Variants in MBNL1 observed in about 807,000 individuals in gnomAD.
MBNL1 encodes the protein muscleblind-like protein 1.
A neutral mutation model predicts 42.2 loss-of-function variants in MBNL1; 8 were observed. That is an observed-to-expected ratio of 0.19 (90% CI 0.11 to 0.34). The LOEUF is 0.34. Among genes scored for constraint, MBNL1 ranks in the 10% least tolerant of loss-of-function variants. MBNL1 has a pLI of 1.00. For synonymous variants in MBNL1, 169 were observed against 173.9 expected, an observed-to-expected ratio of 0.97 and a Z score of 0.22; for missense variants, 309 against 495.3, an observed-to-expected ratio of 0.62 and a Z score of 3.57.
upstream of MBNL1, chr3:152,263,196 G>T (rs964870231): frequency 2.0e-5 from 3 of 152,144 alleles, no homozygotes; most frequent in African/African-American, 7.2e-5. Flanking sequence ...TGTCTTAAAA[G>T]ATTAAATTTG....
At chr3:152,275,929 A>G (rs1044016336) in intron 1 of MBNL1, among the ~76,000 whole-genome samples, 10 of 152,034 alleles carry the variant, frequency 6.6e-5, no homozygotes, top group African/African-American at 2.2e-4. Flanking sequence ...GGGAAAAACC[A>G]TTTACTCTTT....
intron 2 of MBNL1, among the ~76,000 whole-genome samples, chr3:152,375,782 A>G (rs1346388958): frequency 6.6e-6 from 1 of 151,896 alleles, no homozygotes; most frequent in East Asian, 1.9e-4. Context: ...TTGCTCTGCT[A>G]CACTCCAGCC....
chr3:152,373,575 C>T (rs2096771700), intron 2 of MBNL1, among the ~76,000 whole-genome samples: 1 of 152,098 alleles, frequency 6.6e-6, no homozygotes, highest in Non-Finnish European at 1.5e-5. Context: ...TGTTTTCTCA[C>T]CCCTTGAGCT....
chr3:152,340,458 T>C, intron 2 of MBNL1: 3 of 1,502,456 alleles, frequency 2.0e-6, no homozygotes. Context: ...TTAAGTAAAA[T>C]ATCAGACTAT....
chr3:152,372,901 C>T (rs372336009), intron 2 of MBNL1, among the ~76,000 whole-genome samples: 5 of 152,154 alleles, frequency 3.3e-5, no homozygotes, highest in South Asian at 2.1e-4. Flanking sequence ...CACCCACAGC[C>T]GCCTCTTCCG....
chr3:152,316,844 C>G (rs1394526438), intron 2 of MBNL1, among the ~76,000 whole-genome samples: 1 of 151,922 alleles, frequency 6.6e-6, no homozygotes, highest in Non-Finnish European at 1.5e-5. Context: ...TCTTTTTCTT[C>G]CTCCTCTTCC....
At chr3:152,251,361 A>G (rs1351445539) in intron 2 of MBNL1, among the ~76,000 whole-genome samples, 1 of 152,092 alleles carries the variant, frequency 6.6e-6, no homozygotes, top group East Asian at 1.9e-4. Flanking sequence ...TGTATAATGG[A>G]TCAATTGAAC....
intron 4 of MBNL1, among the ~76,000 whole-genome samples, chr3:152,441,794 A>G (rs1180613220): frequency 1.3e-5 from 2 of 152,120 alleles, no homozygotes; most frequent in Admixed American, 6.6e-5. Context: ...TTTATCAAAC[A>G]ATATTTTTTT....
At chr3:152,269,486 G>A (rs1377973071) in intron 1 of MBNL1, 1 of 454,614 alleles carries the variant, frequency 2.2e-6, no homozygotes, top group Non-Finnish European at 4.4e-6. Context: ...CGGCGCGCGG[G>A]TCTTCCCGGC....
chr3:152,309,940 ATACTT>A (rs1426787902), intron 2 of MBNL1, among the ~76,000 whole-genome samples: 1 of 152,230 alleles, frequency 6.6e-6, no homozygotes, highest in Non-Finnish European at 1.5e-5. Context: ...GGATAATAAA[ATACTT>A]TAAAACCCTT....
In MBNL1 at chr3:152,462,800, C is replaced by G. The variant is rs1024113131; in HGVS notation, c.*434C>G. The G allele has an allele frequency of 1.3e-5, 2 of 152,116 alleles. No individual in the cohort carries two copies. Among genetic ancestry groups the G allele is most frequent in the African/African-American group, 2.4e-5 (1 of 41,404 alleles). The allele number at this position is 152,116 out of a possible 1,614,324, so 9.4% of individuals were successfully genotyped here. A position where few individuals can be genotyped will look rare whatever the true frequency, so the allele number is the denominator to read the frequency against. On this transcript the variant is annotated 3_prime_UTR_variant, in exon 10 of 10. Coordinates refer to ENST00000324210, the MANE Select transcript of MBNL1 (RefSeq NM_021038.5). ...TTTTTAAAAATAAGTTTATTTCTTT[C>G]AAGGTTTACAAATAACAAAGGTGCA... is the stretch of plus-strand genomic sequence containing the variant.
In MBNL1 at chr3:152,465,127, C is replaced by T. The variant is rs1007376852; in HGVS notation, c.*2761C>T. 4.6e-5 allele frequency: 7 copies of T among 152,348 alleles called. No individual in the cohort carries two copies. Among genetic ancestry groups the T allele is most frequent in the Non-Finnish European group, 8.8e-5 (6 of 68,016 alleles). The allele number at this position is 152,348 out of a possible 1,614,324, so 9.4% of individuals were successfully genotyped here. On this transcript the variant is annotated 3_prime_UTR_variant, in exon 10 of 10. Coordinates refer to ENST00000324210, the MANE Select transcript of MBNL1 (RefSeq NM_021038.5). ...AGATCATTACCAAAAATAGCAGGTA[C>T]TTCTACCATTAAGGTGAAATCATGG...
At chr3:152,320,683 C>CTTT (rs528500683) in intron 2 of MBNL1, among the ~76,000 whole-genome samples, 1 of 129,064 alleles carries the variant, frequency 7.7e-6, no homozygotes, top group African/African-American at 2.9e-5. Context: ...TTTTTTCTTT[C>CTTT]TTTTTTTTTT....
intron 1 of MBNL1, among the ~76,000 whole-genome samples, chr3:152,295,073 A>G (rs776466827): frequency 2.6e-5 from 4 of 152,334 alleles, no homozygotes; most frequent in Non-Finnish European, 5.9e-5. Context: ...GCCAGTATCT[A>G]TTTTAATTGT....
chr3:152,347,449 A>G (rs1578395333), intron 2 of MBNL1, among the ~76,000 whole-genome samples: 1 of 152,214 alleles, frequency 6.6e-6, no homozygotes, highest in South Asian at 2.1e-4. Context: ...TGTATTTTAA[A>G]TTTAGGTTTT....
At chr3:152,431,512 A>T (rs2099006526) in intron 3 of MBNL1, among the ~76,000 whole-genome samples, 1 of 152,188 alleles carries the variant, frequency 6.6e-6, no homozygotes, top group Non-Finnish European at 1.5e-5. Flanking sequence ...AATACTACAT[A>T]TATTCAGATA....
chr3:152,431,659 A>G (rs71306595), intron 3 of MBNL1, among the ~76,000 whole-genome samples: 6,204 of 152,280 alleles, frequency 0.041, 167 homozygotes, highest in Middle Eastern at 0.086. Flanking sequence ...ATATTACCTT[A>G]AAGAACAGCA....
rs185882247 is a variant in MBNL1 at position 152,383,151 on chromosome 3, G to T, written c.175-31790G>T. 1.8e-3 allele frequency among the ~76,000 whole-genome samples: 278 copies of T among 152,166 alleles called. 2 individuals carry two copies. The highest frequency in any genetic ancestry group is 3.1e-3 in the Non-Finnish European group (211 of 67,954). ...CTTATCCGAATACTTACAGAGAATG[G>T]TTTTGTGCAAACTGCCTTGCTCTTG... On this transcript the variant is annotated intron_variant, in intron 2 of 9. Transcript: ENST00000324210.
At chr3:152,411,514 C>T (rs188691732) in intron 2 of MBNL1, among the ~76,000 whole-genome samples, 96 of 152,066 alleles carry the variant, frequency 6.3e-4, no homozygotes, top group Admixed American at 6.1e-3. Context: ...AGCAAGACTC[C>T]GTCTCAAAAA....
Sources: allele counts gnomAD v4.1 joint callset (sites outside exome capture counted in the v4.1 genomes callset), GRCh38; gene constraint gnomAD v4.1.1; transcripts MANE v1.5; gene names NCBI Gene and HGNC (gene_info 2026-07-23, HGNC 2026-07-21).